Variants in BRWD3 observed in about 807,000 individuals in gnomAD.
BRWD3 encodes the protein bromodomain and WD repeat-containing protein 3.
BRWD3 carries 10 observed loss-of-function variants against 149.7 expected under a neutral mutation model. That is an observed-to-expected ratio of 0.07 (90% CI 0.04 to 0.11). The LOEUF is 0.11. BRWD3 is among the 10% of genes least tolerant of loss of function. The pLI, the probability that BRWD3 is intolerant of heterozygous loss-of-function variation, is 1.00. For missense variants in BRWD3, 940 were observed against 1,373.2 expected, an observed-to-expected ratio of 0.68 and a Z score of 4.99; for synonymous variants, 504 against 456.7, an observed-to-expected ratio of 1.10 and a Z score of -1.32.
intron 6 of BRWD3, among the ~76,000 whole-genome samples, chrX:80,780,266 AAG>A (rs1248664686): frequency 1.8e-5 from 2 of 111,222 alleles, no homozygotes; most frequent in African/African-American, 3.3e-5. Context: ...TGTATACTGA[AAG>A]AAAAATCTAA....
chrX:80,808,864 G>C (rs910656067), intron 3 of BRWD3, 149 bp downstream of exon 3: 3 of 626,908 alleles, frequency 4.8e-6, no homozygotes, highest in Non-Finnish European at 7.7e-6. Context: ...TGCCCCTTTT[G>C]AGGGAAGAAG....
At chrX:80,708,747 C>T (rs764888008) in intron 21 of BRWD3, among the ~76,000 whole-genome samples, 52 of 107,535 alleles carry the variant, frequency 4.8e-4, no homozygotes, top group Middle Eastern at 4.9e-3. Context: ...ACCCAGGAGG[C>T]AGAGGTTGCA....
intron 6 of BRWD3, among the ~76,000 whole-genome samples, chrX:80,767,210 C>T (rs192628464): frequency 1.3e-3 from 142 of 112,390 alleles, no homozygotes; most frequent in African/African-American, 3.5e-3. Context: ...TCTCCCAGCA[C>T]GGCGTTTGAG....
chrX:80,705,142 T>C (rs1449442130), intron 22 of BRWD3, among the ~76,000 whole-genome samples: 1 of 110,353 alleles, frequency 9.1e-6, no homozygotes, highest in Non-Finnish European at 1.9e-5. Context: ...GGCACACGCC[T>C]GTAGTCCCAG....
At chrX:80,775,796 T>C (rs1003808761) in intron 6 of BRWD3, among the ~76,000 whole-genome samples, 6 of 112,105 alleles carry the variant, frequency 5.4e-5, no homozygotes, top group African/African-American at 1.9e-4. Context: ...CTATTATCAT[T>C]ACCAATATTA....
intron 4 of BRWD3, among the ~76,000 whole-genome samples, chrX:80,799,262 G>C (rs1275734851): frequency 9.0e-6 from 1 of 111,487 alleles, no homozygotes; most frequent in Admixed American, 9.6e-5. Flanking sequence ...ATCCAGCTGG[G>C]CACTGAATAA....
At position 80,722,692 on chromosome X, in the gene BRWD3, G is replaced by A; in HGVS notation, c.1746C>T (p.His582=). 8.3e-7 allele frequency: 1 copy of A among 1,210,357 alleles called. No homozygotes were observed. Reference sequence around the variant, plus strand: ...CCACCAAAAATGGAGGAGGCATGAGGTGAGGAGCTTGTTGGGTTTGTTCAT... The same window carrying A: ...CCACCAAAAATGGAGGAGGCATGAGATGAGGAGCTTGTTGGGTTTGTTCAT... The part of the protein sequence containing the change: ...VLDEQTQQAP[H]LMPPPFLVDV... Residue 582 remains histidine (H), a synonymous_variant, in exon 17 of 41, where the codon CAC becomes CAT. Transcript: ENST00000373275.
intron 4 of BRWD3, among the ~76,000 whole-genome samples, chrX:80,807,416 AAT>A (rs1444895957): frequency 2.7e-5 from 3 of 112,384 alleles, no homozygotes; most frequent in Non-Finnish European, 5.6e-5. Flanking sequence ...AAGCAATTTA[AAT>A]ATAGTCTTAT....
intron 8 of BRWD3, among the ~76,000 whole-genome samples, chrX:80,742,788 A>G (rs145979609): frequency 1.2e-4 from 13 of 111,478 alleles, no homozygotes; most frequent in Non-Finnish European, 2.4e-4. Context: ...GCTTAAGGAG[A>G]TTTTGGGCTG....
chrX:80,685,058 A>G (rs1345537205), intron 36 of BRWD3, among the ~76,000 whole-genome samples: 1 of 111,979 alleles, frequency 8.9e-6, no homozygotes, highest in Non-Finnish European at 1.9e-5. Flanking sequence ...ATAAAAAAAC[A>G]GAAGTATATT....
intron 4 of BRWD3, among the ~76,000 whole-genome samples, chrX:80,798,983 T>G (rs1183317082): frequency 1.8e-5 from 2 of 111,947 alleles, no homozygotes; most frequent in Non-Finnish European, 3.8e-5. Context: ...TGCCCACTCC[T>G]CTTTCTACTA....
At chrX:80,678,102 TA>T (rs2072391190) in intron 40 of BRWD3, among the ~76,000 whole-genome samples, 1 of 111,704 alleles carries the variant, frequency 9.0e-6, no homozygotes, top group South Asian at 3.8e-4. Flanking sequence ...TTGCTGTATA[TA>T]AAAAAGATCA....
At chrX:80,746,370 GT>G (rs2073593140) in intron 6 of BRWD3, among the ~76,000 whole-genome samples, 1 of 110,466 alleles carries the variant, frequency 9.1e-6, no homozygotes, top group African/African-American at 3.3e-5. Flanking sequence ...CTCCTATGAA[GT>G]CATTTTAAGT....
chrX:80,692,345 T>G (rs1248680901), intron 28 of BRWD3, among the ~76,000 whole-genome samples, 195 bp from the exon 29 acceptor site: 1 of 111,838 alleles, frequency 8.9e-6, no homozygotes, highest in Non-Finnish European at 1.9e-5. Flanking sequence ...GCTATGAAAC[T>G]TAGAGGGCAG....
intron 6 of BRWD3, among the ~76,000 whole-genome samples, chrX:80,785,840 C>T (rs752147862): frequency 8.9e-6 from 1 of 111,908 alleles, no homozygotes; most frequent in Non-Finnish European, 1.9e-5. Flanking sequence ...CCAGCCTAGC[C>T]AACATGGCAA....
At position 80,728,674 on chromosome X, in the gene BRWD3, C is replaced by A. The variant is rs369625932; in HGVS notation, c.1386+78G>T. 4.4e-5 allele frequency: 41 copies of A among 923,970 alleles called. No individual in the cohort carries two copies. In the East Asian group the frequency reaches 5.1e-4, roughly 11 times the overall value. The allele number at this position is 923,970 out of a possible 1,213,427, so 76.1% of individuals were successfully genotyped here. A position where few individuals can be genotyped will look rare whatever the true frequency, so the allele number is the denominator to read the frequency against. On this transcript the variant is annotated intron_variant, in intron 14 of 40. Transcript: ENST00000373275. Reference sequence around the variant, plus strand: ...TAGTATAGTATATCATAGAAAGGAACCTGGAACTTAAATTTCCTGTGTCTT... The same window carrying A: ...TAGTATAGTATATCATAGAAAGGAAACTGGAACTTAAATTTCCTGTGTCTT...
intron 20 of BRWD3, among the ~76,000 whole-genome samples, chrX:80,715,212 T>TA (rs11390755): frequency 0.09 from 8,834 of 98,183 alleles, 774 homozygotes; most frequent in African/African-American, 0.26. Flanking sequence ...CAAAATCTCT[T>TA]AAAAAAAAAA....
intron 8 of BRWD3, chrX:80,743,743 G>A (rs897285337): frequency 3.8e-6 from 1 of 265,618 alleles, no homozygotes; most frequent in Non-Finnish European, 6.6e-6. Flanking sequence ...AGGAAAGAGT[G>A]TGCTCTTAAG....
intron 9 of BRWD3, among the ~76,000 whole-genome samples, 198 bp downstream of exon 9, chrX:80,735,790 C>G (rs1443522882): frequency 6.3e-5 from 6 of 94,742 alleles, no homozygotes; most frequent in Non-Finnish European, 1.0e-4. Flanking sequence ...GGCAACAGAG[C>G]GAGACTCTGT....
Sources: allele counts gnomAD v4.1 joint callset (sites outside exome capture counted in the v4.1 genomes callset), GRCh38; gene constraint gnomAD v4.1.1; transcripts MANE v1.5; gene names NCBI Gene and HGNC (gene_info 2026-07-23, HGNC 2026-07-21).